The following STXBP5L variants were observed in gnomAD, a reference collection of about 807,000 sequenced individuals.
STXBP5L encodes the protein syntaxin-binding protein 5-like.
STXBP5L carries 65 observed loss-of-function variants against 144.5 expected under a neutral mutation model. The ratio of observed to expected loss-of-function variants is 0.45; its 90% confidence interval spans 0.37 to 0.55. The LOEUF is 0.55. STXBP5L is among the 20% of genes least tolerant of loss of function. STXBP5L has a pLI of 0.00. For synonymous variants in STXBP5L, 505 were observed against 469.6 expected, an observed-to-expected ratio of 1.08 and a Z score of -0.97; for missense variants, 1,298 against 1,405.5, an observed-to-expected ratio of 0.92 and a Z score of 1.22.
At chr3:121,226,351 G>A (rs867575918) in intron 11 of STXBP5L, among the ~76,000 whole-genome samples, 1 of 152,156 alleles carries the variant, frequency 6.6e-6, no homozygotes, top group African/African-American at 2.4e-5. Context: ...GAACTGCATA[G>A]TTTGCTAGAC....
chr3:121,182,236 G>A (rs930022962), intron 9 of STXBP5L, among the ~76,000 whole-genome samples: 3 of 152,120 alleles, frequency 2.0e-5, no homozygotes, highest in African/African-American at 7.2e-5. Flanking sequence ...TCATCAGCAC[G>A]TGGAACATTC....
intron 9 of STXBP5L, among the ~76,000 whole-genome samples, chr3:121,187,752 G>C (rs2047457864): frequency 6.6e-6 from 1 of 151,962 alleles, no homozygotes; most frequent in Non-Finnish European, 1.5e-5. Flanking sequence ...CTGGCAAATT[G>C]GATAAAGAGT....
chr3:121,002,550 T>G (rs1307088524), intron 3 of STXBP5L, among the ~76,000 whole-genome samples: 1 of 152,212 alleles, frequency 6.6e-6, no homozygotes, highest in Non-Finnish European at 1.5e-5. Flanking sequence ...TAGTCCCATT[T>G]GTTTATTTTG....
At chr3:121,414,660 G>A (rs1416773625) in intron 24 of STXBP5L, among the ~76,000 whole-genome samples, 1 of 152,180 alleles carries the variant, frequency 6.6e-6, no homozygotes, top group African/African-American at 2.4e-5. Flanking sequence ...AAAGCCTCAC[G>A]GCTAAGGAAA....
intron 2 of STXBP5L, among the ~76,000 whole-genome samples, chr3:120,935,180 A>G (rs1710199564): frequency 6.7e-6 from 1 of 149,996 alleles, no homozygotes; most frequent in Non-Finnish European, 1.5e-5. Flanking sequence ...TACTTTTTTT[A>G]GTGGTTGCCC....
chr3:121,034,565 C>T (rs9816213), intron 3 of STXBP5L, among the ~76,000 whole-genome samples: 8 of 151,848 alleles, frequency 5.3e-5, no homozygotes. Flanking sequence ...TCCATCCATC[C>T]ATCCATCCAT....
intron 5 of STXBP5L, among the ~76,000 whole-genome samples, chr3:121,050,328 G>T (rs538269591): frequency 2.0e-5 from 3 of 151,986 alleles, no homozygotes; most frequent in Non-Finnish European, 2.9e-5. Context: ...CCTAATTCTG[G>T]TTATTTTAGT....
At chr3:120,993,347 G>T (rs148712063) in intron 3 of STXBP5L, among the ~76,000 whole-genome samples, 5 of 151,942 alleles carry the variant, frequency 3.3e-5, no homozygotes, top group Admixed American at 2.6e-4. Context: ...TGTTTTTGTT[G>T]CGTATGCTTT....
At chr3:121,014,368 G>A (rs887418487) in intron 3 of STXBP5L, among the ~76,000 whole-genome samples, 9 of 151,896 alleles carry the variant, frequency 5.9e-5, no homozygotes, top group Non-Finnish European at 1.0e-4. Context: ...TCACCACATA[G>A]CAGGGTTGTC....
intron 6 of STXBP5L, among the ~76,000 whole-genome samples, chr3:121,119,637 A>G (rs1181840160): frequency 6.6e-6 from 1 of 151,354 alleles, no homozygotes; most frequent in Non-Finnish European, 1.5e-5. Flanking sequence ...AAGTCCACAG[A>G]TGCTTTTTTA....
chr3:121,105,199 C>A (rs2107794276), intron 5 of STXBP5L, among the ~76,000 whole-genome samples: 1 of 152,110 alleles, frequency 6.6e-6, no homozygotes, highest in South Asian at 2.1e-4. Context: ...AGATGGAGAC[C>A]ATCCTGGCCA....
rs557287430 is a variant in STXBP5L at position 121,259,099 on chromosome 3, A to C, written c.1889A>C (p.Gln630Pro). 1 of 1,606,760 alleles carries C rather than the reference A, an allele frequency of 6.2e-7. No individual in the cohort carries two copies. Among genetic ancestry groups the C allele is most frequent in the Non-Finnish European group, 8.5e-7 (1 of 1,175,650 alleles). ...GGATATCAAGCAGAACTTGTTATTC[A>C]ATTGGTGTGGGTAGATGGTGAACCT... is the stretch of plus-strand genomic sequence containing the variant. ...PPGYQAELVI[Q>P]LVWVDGEPPQ... is the part of the protein sequence containing the mutation. The change falls in exon 18 of 27, where the codon CAA becomes CCA. Residue 630 changes from glutamine (Q) to proline (P), a missense_variant. Transcript: ENST00000471454.
intron 5 of STXBP5L, among the ~76,000 whole-genome samples, chr3:121,076,496 G>T (rs1218497687): frequency 6.6e-6 from 1 of 152,086 alleles, no homozygotes; most frequent in Non-Finnish European, 1.5e-5. Context: ...CTTACAGTAG[G>T]TCTTAAAGTA....
intron 9 of STXBP5L, among the ~76,000 whole-genome samples, chr3:121,170,527 A>G (rs752066300): frequency 6.6e-6 from 1 of 152,216 alleles, no homozygotes; most frequent in African/African-American, 2.4e-5. Context: ...CTGATCTCAC[A>G]AAAATACAAA....
chr3:120,918,208 T>C (rs1709197428), intron 2 of STXBP5L, among the ~76,000 whole-genome samples: 1 of 152,200 alleles, frequency 6.6e-6, no homozygotes, highest in Non-Finnish European at 1.5e-5. Context: ...TATGATTACA[T>C]TGGGCCCACC....
chr3:120,942,547 A>C (rs942730053), intron 2 of STXBP5L, among the ~76,000 whole-genome samples: 8 of 151,558 alleles, frequency 5.3e-5, no homozygotes, highest in African/African-American at 1.2e-4. Context: ...ACAGACTTCA[A>C]ATTTACAACT....
chr3:121,217,884 C>G (rs988487145), intron 10 of STXBP5L, among the ~76,000 whole-genome samples: 13 of 151,046 alleles, frequency 8.6e-5, no homozygotes, highest in Non-Finnish European at 1.5e-4. Context: ...TATTTTATTG[C>G]TTGGAGGTCT....
At chr3:121,064,629 T>G (rs190536207) in intron 5 of STXBP5L, among the ~76,000 whole-genome samples, 10 of 152,370 alleles carry the variant, frequency 6.6e-5, no homozygotes, top group Admixed American at 3.9e-4. Flanking sequence ...TTATATTCCT[T>G]TATTTGCTTA....
intron 22 of STXBP5L, among the ~76,000 whole-genome samples, chr3:121,404,455 G>A (rs2046952735): frequency 6.6e-6 from 1 of 151,954 alleles, no homozygotes; most frequent in Admixed American, 6.6e-5. Context: ...AGGAGGTAGG[G>A]TGATTCTGTT....
Sources: allele counts gnomAD v4.1 joint callset (sites outside exome capture counted in the v4.1 genomes callset), GRCh38; gene constraint gnomAD v4.1.1; transcripts MANE v1.5; gene names NCBI Gene and HGNC (gene_info 2026-07-23, HGNC 2026-07-21).